Variants in DTD1 observed in about 807,000 individuals in gnomAD.
DTD1 encodes D-aminoacyl-tRNA deacylase 1, also known as D-tyrosyl-tRNA deacylase 1 homolog.
A neutral mutation model predicts 25.6 loss-of-function variants in DTD1; 13 were observed. The observed-to-expected ratio is 0.51, with a 90% CI of 0.33 to 0.81. The LOEUF (loss-of-function observed/expected upper bound fraction) is 0.81, where lower values mean the gene tolerates loss of function less well. Among genes scored for constraint, DTD1 ranks in the 30% least tolerant of loss-of-function variants. DTD1 has a pLI of 0.02. For missense variants in DTD1, 193 were observed against 266.4 expected, an observed-to-expected ratio of 0.72 and a Z score of 1.92; for synonymous variants, 110 against 103.6, an observed-to-expected ratio of 1.06 and a Z score of -0.37.
At chr20:18,646,044 A>T (rs1322811476) in intron 4 of DTD1, among the ~76,000 whole-genome samples, 1 of 152,168 alleles carries the variant, frequency 6.6e-6, no homozygotes, top group Non-Finnish European at 1.5e-5. Flanking sequence ...CAGATAGTGG[A>T]GGCCTGTTGT....
chr20:18,597,766 A>G (rs891244683), intron 3 of DTD1, among the ~76,000 whole-genome samples: 3 of 152,142 alleles, frequency 2.0e-5, no homozygotes, highest in African/African-American at 7.2e-5. Flanking sequence ...GTATTTGATA[A>G]TATATTTTAT....
intron 1 of DTD1, chr20:18,592,738 A>G (rs1311468912): frequency 2.0e-5 from 3 of 149,188 alleles, no homozygotes; most frequent in African/African-American, 2.5e-5. Context: ...GCTGGAGTGC[A>G]ATGGTGTGAT....
chr20:18,660,369 A>G (rs1818830989), intron 4 of DTD1, among the ~76,000 whole-genome samples: 1 of 152,046 alleles, frequency 6.6e-6, no homozygotes, highest in South Asian at 2.1e-4. Context: ...ATAGGTGCAC[A>G]CAAGTACGCT....
At chr20:18,741,129 TCTTA>T (rs986716511) in intron 4 of DTD1, among the ~76,000 whole-genome samples, 9 of 152,242 alleles carry the variant, frequency 5.9e-5, no homozygotes, top group African/African-American at 9.6e-5. Flanking sequence ...TGAGACGGCA[TCTTA>T]CTTTTTAAAA....
chr20:18,759,585 A>G (rs1448000019), intron 5 of DTD1, among the ~76,000 whole-genome samples: 2 of 152,154 alleles, frequency 1.3e-5, no homozygotes, highest in African/African-American at 2.4e-5. Flanking sequence ...TAGCTTGTAG[A>G]GTTTCTGCCG....
chr20:18,724,060 T>C (rs751565115), intron 4 of DTD1, among the ~76,000 whole-genome samples: 17 of 152,218 alleles, frequency 1.1e-4, no homozygotes, highest in Non-Finnish European at 2.4e-4. Flanking sequence ...TGTCCCTATC[T>C]CCTGCCCCCT....
intron 4 of DTD1, among the ~76,000 whole-genome samples, chr20:18,687,437 A>G (rs990527223): frequency 3.3e-5 from 5 of 152,260 alleles, no homozygotes; most frequent in Non-Finnish European, 5.9e-5. Flanking sequence ...CCTTCTGATA[A>G]AGGAGAAATC....
intron 4 of DTD1, among the ~76,000 whole-genome samples, chr20:18,652,842 G>T (rs142155401): frequency 6.6e-6 from 1 of 152,244 alleles, no homozygotes; most frequent in Non-Finnish European, 1.5e-5. Context: ...ATATGGGGTG[G>T]GACTAAAAAT....
chr20:18,657,727 G>A (rs4813336), intron 4 of DTD1, among the ~76,000 whole-genome samples: 47,355 of 152,102 alleles, frequency 0.31, 8,168 homozygotes, highest in South Asian at 0.43. Context: ...ATAACATATA[G>A]TATCTCATGT....
chr20:18,746,329 C>T (rs964775843), intron 5 of DTD1, among the ~76,000 whole-genome samples: 5 of 152,160 alleles, frequency 3.3e-5, no homozygotes, highest in Non-Finnish European at 5.9e-5. Context: ...TCAGCCTTCT[C>T]TTTCTCTTCT....
intron 4 of DTD1, among the ~76,000 whole-genome samples, chr20:18,706,652 G>T (rs1053008108): frequency 6.6e-6 from 1 of 152,190 alleles, no homozygotes; most frequent in Non-Finnish European, 1.5e-5. Context: ...TGAGGAGCTG[G>T]ATTAATAGGT....
intron 5 of DTD1, among the ~76,000 whole-genome samples, chr20:18,759,973 A>G (rs2061354956): frequency 6.6e-6 from 1 of 151,928 alleles, no homozygotes; most frequent in Non-Finnish European, 1.5e-5. Flanking sequence ...TTCTCGCTTC[A>G]TTTCATTCAT....
intron 4 of DTD1, chr20:18,679,128 T>C (rs1600362133): frequency 1.3e-5 from 2 of 152,268 alleles, no homozygotes; most frequent in East Asian, 3.8e-4. Context: ...ATTTCTGGTT[T>C]TCTCAAGACC....
chr20:18,708,207 T>TAAATA (rs1371286340), intron 4 of DTD1, among the ~76,000 whole-genome samples: 1 of 6,866 alleles, frequency 1.5e-4, no homozygotes, highest in Admixed American at 2.5e-3. Flanking sequence ...ATATATATAT[T>TAAATA]TTATATATAT....
intron 4 of DTD1, among the ~76,000 whole-genome samples, chr20:18,690,994 G>A (rs1324106831): frequency 1.3e-5 from 2 of 152,170 alleles, no homozygotes; most frequent in South Asian, 2.1e-4. Context: ...CATATGCATG[G>A]CCAACAAACG....
intron 4 of DTD1, among the ~76,000 whole-genome samples, chr20:18,651,131 CTGGT>C (rs539136309): frequency 5.9e-5 from 9 of 152,142 alleles, no homozygotes; most frequent in Non-Finnish European, 1.2e-4. Context: ...GTTACAACAG[CTGGT>C]TAGTTTTTGT....
chr20:18,628,748 AT>A (rs2060769972), intron 4 of DTD1, among the ~76,000 whole-genome samples: 1 of 152,230 alleles, frequency 6.6e-6, no homozygotes, highest in South Asian at 2.1e-4. Context: ...GAAATGTGTA[AT>A]AGTCCTTGGA....
At position 18,623,874 on chromosome 20, in the gene DTD1, C is replaced by CTGTGTGTG. The variant is rs55984974; in HGVS notation, c.371-4227_371-4220dup. ...TTCTCAACAGTACTTACAAGAAGAACTGTGTGTGTGTGTGTGTGTGTGTGT... is the reference window on the plus strand; with the variant it reads ...TTCTCAACAGTACTTACAAGAAGAACTGTGTGTGTGTGTGTGTGTGTGTGTGTGTGTGT... On this transcript the variant is annotated intron_variant, in intron 3 of 5. Coordinates refer to ENST00000377452, the MANE Select transcript of DTD1 (RefSeq NM_080820.6). Among the ~76,000 whole-genome samples the CTGTGTGTG allele has an allele frequency of 1.5e-3, 215 of 143,728 alleles. 1 individual carries two copies. The highest frequency in any genetic ancestry group is 2.5e-3 in the South Asian group (11 of 4,318). 94.3% of individuals were successfully genotyped at this position (143,728 alleles called of 152,430 possible). A position where few individuals can be genotyped will look rare whatever the true frequency, so the allele number is the denominator to read the frequency against.
intron 4 of DTD1, among the ~76,000 whole-genome samples, chr20:18,699,651 G>A (rs2061095061): frequency 6.6e-6 from 1 of 152,268 alleles, no homozygotes; most frequent in South Asian, 2.1e-4. Flanking sequence ...CCTAGTGGGA[G>A]AGACTTTCTA....
Sources: allele counts gnomAD v4.1 joint callset (sites outside exome capture counted in the v4.1 genomes callset), GRCh38; gene constraint gnomAD v4.1.1; transcripts MANE v1.5; gene names NCBI Gene and HGNC (gene_info 2026-07-23, HGNC 2026-07-21).